The following TBL1X variants were observed in gnomAD, a reference collection of about 807,000 sequenced individuals.
TBL1X encodes the protein transducin beta like 1 X-linked.
A neutral mutation model predicts 50.7 loss-of-function variants in TBL1X; 10 were observed. The ratio of observed to expected loss-of-function variants is 0.20; its 90% CI spans 0.12 to 0.33. TBL1X has a LOEUF of 0.33. Among genes scored for constraint, TBL1X ranks in the 10% least tolerant of loss-of-function variants. TBL1X has a pLI of 1.00. For synonymous variants in TBL1X, 190 were observed against 214.7 expected (o/e 0.88, Z 1.01); for missense variants, 340 against 504.4 (o/e 0.67, Z 3.12).
chrX:9,536,658 A>C (rs9988334), intron 2 of TBL1X, among the ~76,000 whole-genome samples: 4,143 of 111,429 alleles, frequency 0.037, 216 homozygotes, highest in African/African-American at 0.13. Flanking sequence ...GGTAATTTCC[A>C]CAGAATCCAA....
intron 2 of TBL1X, among the ~76,000 whole-genome samples, chrX:9,573,447 A>G (rs1471842348): frequency 8.9e-6 from 1 of 112,682 alleles, no homozygotes; most frequent in Non-Finnish European, 1.9e-5. Flanking sequence ...TGCACGCTGT[A>G]GCTATTTGTC....
At position 9,653,855 on chromosome X, in the gene TBL1X, T is replaced by C. The variant is rs190845497; in HGVS notation, c.103+166T>C. Among the ~76,000 whole-genome samples the C allele has an allele frequency of 1.6e-3, 184 of 112,017 alleles. 1 individual carries two copies. The highest frequency in any genetic ancestry group is 5.7e-3 in the African/African-American group (177 of 30,811). ...TTTGGGATTCCATTCCTGCCGCTTA[T>C]GGGGCGCGCTGCGGATCCCTGCATG... On this transcript the variant is annotated intron_variant, in intron 4 of 17. Transcript: ENST00000645353.
In TBL1X at chrX:9,613,256, C is replaced by G. The variant is rs1470510447; in HGVS notation, c.-130-27017C>G. Among the ~76,000 whole-genome samples, 3 of 111,280 alleles carry G rather than the reference C, an allele frequency of 2.7e-5. No homozygotes were observed. In the East Asian group the frequency reaches 8.4e-4, roughly 31 times the overall value. Reference sequence around the variant, plus strand: ...TAAAAAGTCCCTGTTATCCCTCCACCCTGCAGACTCCAATAGGAGAATTTC... The same window carrying G: ...TAAAAAGTCCCTGTTATCCCTCCACGCTGCAGACTCCAATAGGAGAATTTC... On this transcript the variant is annotated intron_variant, in intron 2 of 17. Transcript: ENST00000645353.
chrX:9,590,364 T>C (rs1569067415), intron 2 of TBL1X, among the ~76,000 whole-genome samples: 3 of 88,918 alleles, frequency 3.4e-5, no homozygotes, highest in African/African-American at 1.3e-4. Flanking sequence ...GATTAAAAGT[T>C]TTTTTTTTTA....
intron 2 of TBL1X, among the ~76,000 whole-genome samples, chrX:9,541,776 C>G (rs1341652158): frequency 9.0e-6 from 1 of 111,299 alleles, no homozygotes; most frequent in Non-Finnish European, 1.9e-5. Flanking sequence ...GGTCACCCCT[C>G]ACTTGGCAGT....
At chrX:9,600,150 C>T (rs984951232) in intron 2 of TBL1X, among the ~76,000 whole-genome samples, 2 of 111,566 alleles carry the variant, frequency 1.8e-5, no homozygotes, top group African/African-American at 6.5e-5. Context: ...TAGTCTGATC[C>T]GGCTGCTGTA....
At chrX:9,680,590 C>T (rs768813941) in intron 5 of TBL1X, among the ~76,000 whole-genome samples, 1 of 111,459 alleles carries the variant, frequency 9.0e-6, no homozygotes, top group Admixed American at 9.5e-5. Context: ...TCCTGCTTGC[C>T]TTCATGAGAC....
intron 1 of TBL1X, among the ~76,000 whole-genome samples, chrX:9,488,421 C>T (rs1481211281): frequency 1.8e-5 from 2 of 111,441 alleles, no homozygotes; most frequent in Admixed American, 9.5e-5. Flanking sequence ...AGAGGAGCAG[C>T]GTAGCACCTC....
intron 11 of TBL1X, among the ~76,000 whole-genome samples, chrX:9,694,553 C>T (rs768317635): frequency 4.2e-4 from 47 of 111,508 alleles, no homozygotes; most frequent in Non-Finnish European, 7.7e-4. Context: ...GCCGAGATTG[C>T]GCCTCTGCAC....
chrX:9,716,202 C>A lies in TBL1X; in HGVS notation c.1708-18C>A, dbSNP rs180737932. The A allele has an allele frequency of 1.6e-4, 198 of 1,208,595 alleles. 2 individuals are homozygous for A. The Admixed American group carries it at 4.3e-3, about 26-fold the overall frequency. On this transcript the variant is annotated intron_variant, in intron 17 of 17. Coordinates refer to ENST00000645353, the MANE Select transcript of TBL1X (RefSeq NM_005647.4). ...GTATTGTCTCTCAAGATGACAGGTG[C>A]TTTATCTTTCCTTCCAGGTGTGTGT...
chrX:9,673,673 A>G (rs1601830332), intron 5 of TBL1X, among the ~76,000 whole-genome samples: 2 of 112,561 alleles, frequency 1.8e-5, no homozygotes, highest in East Asian at 2.8e-4. Context: ...GTATATATGT[A>G]TATATAGCTA....
At chrX:9,499,123 T>A (rs2081987391) in intron 1 of TBL1X, among the ~76,000 whole-genome samples, 1 of 111,820 alleles carries the variant, frequency 8.9e-6, no homozygotes, top group Non-Finnish European at 1.9e-5. Flanking sequence ...GACATTAACA[T>A]GGTGCAATAG....
intron 13 of TBL1X, among the ~76,000 whole-genome samples, chrX:9,706,218 G>C (rs377754595): frequency 2.7e-5 from 3 of 111,371 alleles, no homozygotes; most frequent in East Asian, 5.6e-4. Flanking sequence ...GGGAGATTGC[G>C]GAAGTAAGGT....
chrX:9,642,984 A>T (rs748246840), intron 3 of TBL1X, among the ~76,000 whole-genome samples: 1 of 112,485 alleles, frequency 8.9e-6, no homozygotes, highest in East Asian at 2.8e-4. Context: ...GGCCCACCCA[A>T]GGGCCATGAT....
chrX:9,695,778 C>T (rs936778821), intron 11 of TBL1X, among the ~76,000 whole-genome samples: 1 of 112,059 alleles, frequency 8.9e-6, no homozygotes, highest in Non-Finnish European at 1.9e-5. Flanking sequence ...CCTTTAACTT[C>T]CGTAGAATTC....
chrX:9,688,130 G>A lies in TBL1X; in HGVS notation c.471G>A (p.Gln157=). 8.3e-7 allele frequency: 1 copy of A among 1,206,894 alleles called. No individual in the cohort carries two copies. The highest frequency in any genetic ancestry group is 1.1e-6 in the Non-Finnish European group (1 of 893,162). ...CATTCCGAGAGAAGCTCGCTCAGCA[G>A]CAAGCCAGTGCGGCGGCGGCGGCGG... The part of the protein sequence containing the change: ...QQAFREKLAQ[Q]QASAAAAAAA... Residue 157 remains glutamine, a synonymous_variant, in exon 7 of 18, where the codon CAG becomes CAA. Coordinates refer to ENST00000645353, the MANE Select transcript of TBL1X (RefSeq NM_005647.4).
intron 2 of TBL1X, among the ~76,000 whole-genome samples, chrX:9,630,046 C>T (rs1315394698): frequency 9.0e-6 from 1 of 110,749 alleles, no homozygotes; most frequent in Non-Finnish European, 1.9e-5. Context: ...ATACAGGGTT[C>T]AGGATATTTG....
At chrX:9,501,308 A>G (rs777730120) in intron 1 of TBL1X, among the ~76,000 whole-genome samples, 52 of 112,035 alleles carry the variant, frequency 4.6e-4, no homozygotes, top group African/African-American at 1.6e-3. Flanking sequence ...CTCTATTCCC[A>G]TGTCACTCAG....
At chrX:9,475,269 T>G (rs1430394055) in intron 1 of TBL1X, among the ~76,000 whole-genome samples, 2 of 111,389 alleles carry the variant, frequency 1.8e-5, no homozygotes, top group Admixed American at 1.9e-4. Flanking sequence ...TTGTTTGTTT[T>G]TTTGAGATGG....
Sources: gnomAD v4.1 joint callset for allele counts (sites outside exome capture counted in the v4.1 genomes callset) on GRCh38, gnomAD v4.1.1 for gene constraint, MANE v1.5 for transcripts, NCBI Gene and HGNC (gene_info 2026-07-23, HGNC 2026-07-21) for gene names.